Variants in SAMD3 observed in about 807,000 individuals in gnomAD.
The protein encoded by SAMD3 is sterile alpha motif domain containing 3.
A neutral mutation model predicts 58.5 loss-of-function variants in SAMD3; 63 were observed. The ratio of observed to expected loss-of-function variants is 1.08; its 90% CI spans 0.88 to 1.33. SAMD3 has a LOEUF of 1.33. Ranked by LOEUF, SAMD3 falls within the 40% of genes most tolerant of loss-of-function variation. The probability of loss-of-function intolerance (pLI) is 0.00; values close to 1 mark genes in which losing one functional copy is unlikely to be tolerated. For synonymous variants in SAMD3, 220 were observed against 210.3 expected, an observed-to-expected ratio of 1.05 and a Z score of -0.40; for missense variants, 604 against 608.4, an observed-to-expected ratio of 0.99 and a Z score of 0.08.
At chr6:130,276,653 C>T (rs1406427038) in intron 2 of SAMD3, among the ~76,000 whole-genome samples, 1 of 151,886 alleles carries the variant, frequency 6.6e-6, no homozygotes, top group African/African-American at 2.4e-5. Flanking sequence ...GGGTATAATT[C>T]CCTAATGGGT....
chr6:130,308,792 T>C (rs1264918637), intron 2 of SAMD3, among the ~76,000 whole-genome samples: 1 of 152,090 alleles, frequency 6.6e-6, no homozygotes, highest in Non-Finnish European at 1.5e-5. Context: ...CCCAAGCTAC[T>C]TGGGAATGAG....
intron 1 of SAMD3, among the ~76,000 whole-genome samples, chr6:130,313,409 A>C (rs1776254370): frequency 6.6e-6 from 1 of 152,174 alleles, no homozygotes. Flanking sequence ...ATGTTTTGAG[A>C]CATTGTCAAC....
At chr6:130,162,415 T>A in intron 8 of SAMD3, 1 of 571,430 alleles carries the variant, frequency 1.7e-6, no homozygotes, top group Non-Finnish European at 3.1e-6. Context: ...AAAACTCATC[T>A]TGACTTTTAT....
chr6:130,307,099 A>C (rs1016077791), intron 2 of SAMD3, among the ~76,000 whole-genome samples: 1 of 152,174 alleles, frequency 6.6e-6, no homozygotes, highest in African/African-American at 2.4e-5. Context: ...GTATCTAAAG[A>C]ATTCTGTGAT....
chr6:130,351,520 C>T (rs569271837), intron 1 of SAMD3, among the ~76,000 whole-genome samples: 19 of 152,280 alleles, frequency 1.2e-4, no homozygotes, highest in Admixed American at 6.5e-4. Flanking sequence ...ATCAAAACCA[C>T]AATGAGATAC....
At chr6:130,226,408 T>C (rs1796383309), upstream of SAMD3, among the ~76,000 whole-genome samples, 1 of 152,204 alleles carries the variant, frequency 6.6e-6, no homozygotes, top group Admixed American at 6.5e-5. Context: ...TGAGGAGCAA[T>C]TGAAAGATTT....
chr6:130,247,893 G>C (rs150268092), intron 2 of SAMD3, among the ~76,000 whole-genome samples: 1 of 152,122 alleles, frequency 6.6e-6, no homozygotes, highest in Non-Finnish European at 1.5e-5. Flanking sequence ...GTGCATTACA[G>C]TTGTCTACCT....
chr6:130,265,275 A>G (rs1326507715), intron 2 of SAMD3, among the ~76,000 whole-genome samples: 1 of 152,190 alleles, frequency 6.6e-6, no homozygotes, highest in Non-Finnish European at 1.5e-5. Flanking sequence ...CCTCCAAACC[A>G]TCCTTAAACA....
intron 4 of SAMD3, among the ~76,000 whole-genome samples, chr6:130,212,298 A>G (rs937135265): frequency 1.3e-5 from 2 of 152,202 alleles, no homozygotes; most frequent in Admixed American, 6.5e-5. Context: ...TCTCACATGC[A>G]ATTGTAATTC....
At chr6:130,269,970 C>T (rs10872357) in intron 2 of SAMD3, among the ~76,000 whole-genome samples, 15,606 of 151,976 alleles carry the variant, frequency 0.1, 1,018 homozygotes, top group Admixed American at 0.15. Flanking sequence ...AACATCTGAA[C>T]ATTTTCTAGT....
intron 1 of SAMD3, among the ~76,000 whole-genome samples, chr6:130,358,880 T>A (rs776145057): frequency 1.1e-4 from 17 of 152,210 alleles, no homozygotes; most frequent in Non-Finnish European, 2.5e-4. Flanking sequence ...TGCTGCATGG[T>A]ATTCCATTGT....
chr6:130,300,654 A>C (rs192170049), intron 2 of SAMD3, among the ~76,000 whole-genome samples: 8 of 152,270 alleles, frequency 5.3e-5, no homozygotes, highest in African/African-American at 1.4e-4. Context: ...AAAGAAATAA[A>C]AGGCATCCAC....
chr6:130,349,433 G>C (rs1380847553), intron 1 of SAMD3, among the ~76,000 whole-genome samples: 1 of 152,186 alleles, frequency 6.6e-6, no homozygotes, highest in South Asian at 2.1e-4. Flanking sequence ...ACTACCATCA[G>C]AGAATACTAT....
chr6:130,318,079 C>A (rs1221575466), intron 1 of SAMD3, among the ~76,000 whole-genome samples: 1 of 152,184 alleles, frequency 6.6e-6, no homozygotes, highest in Non-Finnish European at 1.5e-5. Flanking sequence ...CCACCCAAGG[C>A]TGGGGGCAAG....
intron 8 of SAMD3, 35 bp from the exon 9 acceptor site, chr6:130,155,060 T>C (rs1789656485): frequency 6.4e-7 from 1 of 1,569,264 alleles, no homozygotes; most frequent in South Asian, 1.1e-5. Flanking sequence ...ATGGATTCCA[T>C]GTTTCTATAA....
intron 1 of SAMD3, among the ~76,000 whole-genome samples, chr6:130,328,016 T>C (rs1776810305): frequency 6.6e-6 from 1 of 152,214 alleles, no homozygotes; most frequent in Non-Finnish European, 1.5e-5. Context: ...TCTAACTCTC[T>C]AGATATGGTC....
At position 130,145,421 on chromosome 6, in the gene SAMD3, GTCT is replaced by G. The variant is rs1261505276; in HGVS notation, c.1196-2_1196del. ...GTAAACATGTGGCTGTCATCTTCAT[GTCT>G]GTCAAAGCAAATATGTTAACATGTG... On this transcript the variant is annotated splice_acceptor_variant and coding_sequence_variant, in exon 11 of 12. Coordinates refer to ENST00000439090, the MANE Select transcript of SAMD3 (RefSeq NM_001017373.4). LOFTEE classifies it high-confidence loss of function. 2 of 1,605,916 alleles carry G rather than the reference GTCT, an allele frequency of 1.2e-6. No homozygotes were observed. The highest frequency in any genetic ancestry group is 1.7e-6 in the Non-Finnish European group (2 of 1,173,754).
At chr6:130,251,280 T>C (rs547166238) in intron 2 of SAMD3, among the ~76,000 whole-genome samples, 1 of 152,322 alleles carries the variant, frequency 6.6e-6, no homozygotes, top group African/African-American at 2.4e-5. Context: ...TGGTTATTTG[T>C]CTTACACTCT....
At chr6:130,166,277 T>C (rs549679036) in intron 8 of SAMD3, among the ~76,000 whole-genome samples, 5 of 152,308 alleles carry the variant, frequency 3.3e-5, no homozygotes, top group African/African-American at 1.2e-4. Flanking sequence ...GGGACTTCCC[T>C]GACACAGCAT....
Sources: gnomAD v4.1 joint callset for allele counts (sites outside exome capture counted in the v4.1 genomes callset) on GRCh38, gnomAD v4.1.1 for gene constraint, MANE v1.5 for transcripts, NCBI Gene and HGNC (gene_info 2026-07-23, HGNC 2026-07-21) for gene names.